Variants in SCRG1 observed in about 807,000 individuals in gnomAD.
SCRG1 encodes the protein stimulator of chondrogenesis 1.
In SCRG1, 3 loss-of-function variants were observed where a neutral mutation model predicts 7.7. The observed-to-expected ratio is 0.39, with a 90% CI of 0.18 to 1.01. The LOEUF is 1.01. Ranked by LOEUF, SCRG1 falls within the 50% of genes least tolerant of loss-of-function variation. The probability of loss-of-function intolerance (pLI) is 0.36; values close to 1 mark genes in which losing one functional copy is unlikely to be tolerated. For missense variants in SCRG1, 110 were observed against 117.2 expected, an observed-to-expected ratio of 0.94 and a Z score of 0.28; for synonymous variants, 46 against 41.2, an observed-to-expected ratio of 1.12 and a Z score of -0.44.
intron 1 of SCRG1, among the ~76,000 whole-genome samples, chr4:173,396,712 T>TG (rs1553964608): frequency 9.3e-6 from 1 of 107,018 alleles, no homozygotes; most frequent in Non-Finnish European, 1.9e-5. Flanking sequence ...ACTGGTAGTT[T>TG]TGTGTGTGTG....
At chr4:173,405,578 T>C (rs570052587) in intron 1 of SCRG1, among the ~76,000 whole-genome samples, 42 of 152,334 alleles carry the variant, frequency 2.8e-4, no homozygotes, top group African/African-American at 1.0e-3. Context: ...CACATGAAAT[T>C]TGTCCATCAT....
the SCRG1 span, among the ~76,000 whole-genome samples, chr4:173,484,540 T>TATACATATAATATATATTATATATTAC: frequency 1.2e-4 from 10 of 82,934 alleles, no homozygotes; most frequent in African/African-American, 1.5e-4. Flanking sequence ...TTATATATTA[T>TATACATATAATATATATTATATATTAC]GTATATTTTA....
the SCRG1 span, among the ~76,000 whole-genome samples, chr4:173,511,478 C>T: frequency 6.6e-6 from 1 of 152,042 alleles, no homozygotes; most frequent in African/African-American, 2.4e-5. The surrounding 1 kb of genome is among the most constrained non-coding windows in gnomAD (Gnocchi z 5.2). Context: ...TCTGCTGCAA[C>T]TTTCTCTTTA....
At chr4:173,476,060 TTTAAAATGG>T in the SCRG1 span, among the ~76,000 whole-genome samples, 2 of 152,074 alleles carry the variant, frequency 1.3e-5, no homozygotes, top group African/African-American at 4.8e-5. Flanking sequence ...CTATATACAT[TTTAAAATGG>T]TTAAAATGGT....
the SCRG1 span, among the ~76,000 whole-genome samples, chr4:173,454,307 GAAACTTTCCCACTGT>G: frequency 6.6e-6 from 1 of 152,076 alleles, no homozygotes; most frequent in African/African-American, 2.4e-5. Flanking sequence ...AAGGCCTGGA[GAAACTTTCCCACTGT>G]AATGAGGAGG....
At chr4:173,482,453 C>A in the SCRG1 span, among the ~76,000 whole-genome samples, 3 of 152,102 alleles carry the variant, frequency 2.0e-5, no homozygotes, top group Admixed American at 6.6e-5. Context: ...TCCATCTAAA[C>A]ATACTGTCTT....
the SCRG1 span, among the ~76,000 whole-genome samples, chr4:173,483,235 A>ATATC: frequency 2.6e-4 from 11 of 42,268 alleles, no homozygotes; most frequent in East Asian, 1.9e-3. Flanking sequence ...TATTATATAT[A>ATATC]ATATATGATA....
the SCRG1 span, among the ~76,000 whole-genome samples, chr4:173,479,148 T>C: frequency 6.6e-6 from 1 of 152,166 alleles, no homozygotes; most frequent in Admixed American, 6.5e-5. Flanking sequence ...GAACTTGGCA[T>C]GTAATAGCCA....
upstream of SCRG1, among the ~76,000 whole-genome samples, chr4:173,402,778 G>A (rs1472705159): frequency 6.6e-6 from 1 of 152,066 alleles, no homozygotes; most frequent in Non-Finnish European, 1.5e-5. Context: ...AGCTGGTTTC[G>A]GCCTTCACAG....
the SCRG1 span, among the ~76,000 whole-genome samples, chr4:173,485,773 C>T: frequency 6.6e-6 from 1 of 151,982 alleles, no homozygotes; most frequent in African/African-American, 2.4e-5. Flanking sequence ...AGTTTGAGAC[C>T]AGCCTGTTCA....
At chr4:173,476,916 A>G in the SCRG1 span, among the ~76,000 whole-genome samples, 1 of 152,168 alleles carries the variant, frequency 6.6e-6, no homozygotes, top group African/African-American at 2.4e-5. Flanking sequence ...TCATAGTAAC[A>G]TTCCATGGTA....
the SCRG1 span, chr4:173,419,904 C>T: frequency 8.9e-6 from 8 of 896,942 alleles, no homozygotes; most frequent in African/African-American, 1.6e-5. Flanking sequence ...TTTGTCAGGC[C>T]GGCCTTCACA....
chr4:173,495,804 G>T, the SCRG1 span, among the ~76,000 whole-genome samples: 47 of 152,300 alleles, frequency 3.1e-4, no homozygotes, highest in Admixed American at 2.8e-3. Flanking sequence ...AAGCCTGGTG[G>T]TCACAAAAAT....
At chr4:173,466,813 A>G in the SCRG1 span, among the ~76,000 whole-genome samples, 1 of 152,316 alleles carries the variant, frequency 6.6e-6, no homozygotes, top group East Asian at 1.9e-4. Flanking sequence ...TGAATACTAC[A>G]CAATTTTTAA....
the SCRG1 span, among the ~76,000 whole-genome samples, chr4:173,497,795 T>C: frequency 2.2e-4 from 33 of 151,600 alleles, no homozygotes; most frequent in African/African-American, 8.0e-4. Context: ...CTTAGCCTCC[T>C]GAGTAGCTGG....
chr4:173,500,341 G>C, the SCRG1 span, among the ~76,000 whole-genome samples: 1 of 152,148 alleles, frequency 6.6e-6, no homozygotes, highest in Non-Finnish European at 1.5e-5. Flanking sequence ...GGAGGCCTCC[G>C]GCGCTCCCCG....
At chr4:173,479,167 C>T in the SCRG1 span, among the ~76,000 whole-genome samples, 1 of 152,142 alleles carries the variant, frequency 6.6e-6, no homozygotes, top group African/African-American at 2.4e-5. Context: ...CATAAAATAA[C>T]ATGAGTAAAG....
In SCRG1 at chr4:173,391,342, G is replaced by A. The variant is rs779520811; in HGVS notation, c.73C>T (p.Arg25Cys). The A allele has an allele frequency of 4.3e-5, 69 of 1,614,064 alleles. No individual in the cohort carries two copies. In the Middle Eastern group the frequency reaches 4.9e-4, roughly 12 times the overall value. Residue 25 changes from arginine to cysteine, a missense_variant, in exon 2 of 3, where the codon CGC becomes TGC. Arg to Cys is a radical substitution (Grantham distance 180). Coordinates refer to ENST00000296506, the MANE Select transcript of SCRG1 (RefSeq NM_007281.4). ...AGTATCTTTCTGTAGCAAGAGAGGC[G>A]ATTTGCAGGCATGGCTTGAACTCCT... ...LLGVQAMPAN[R>C]LSCYRKILKD...
upstream of SCRG1, among the ~76,000 whole-genome samples, chr4:173,408,803 C>T (rs1739974213): frequency 6.6e-6 from 1 of 151,874 alleles, no homozygotes; most frequent in South Asian, 2.1e-4. Context: ...ACCATCCTGG[C>T]TAACACGGTG....
Sources: gnomAD v4.1 joint callset for allele counts (sites outside exome capture counted in the v4.1 genomes callset) on GRCh38, gnomAD v4.1.1 for gene constraint, Gnocchi (gnomAD v3.1) non-coding constraint, MANE v1.5 for transcripts, NCBI Gene and HGNC (gene_info 2026-07-23, HGNC 2026-07-21) for gene names.